The following MME variants were observed in gnomAD, a reference collection of about 807,000 sequenced individuals.
MME encodes membrane metalloendopeptidase.
MME carries 98 observed loss-of-function variants against 113.2 expected under a neutral mutation model. The observed-to-expected ratio is 0.87, with a 90% confidence interval of 0.74 to 1.02. The LOEUF is 1.02. Ranked by LOEUF, MME falls within the 50% of genes least tolerant of loss-of-function variation. The pLI is 0.00. For synonymous variants in MME, 292 were observed against 300.6 expected, an observed-to-expected ratio of 0.97 and a Z score of 0.30; for missense variants, 836 against 896.0, an observed-to-expected ratio of 0.93 and a Z score of 0.86.
rs35653282 is a variant in MME, at chr3:155,140,410, C to CTT, written c.957+141_957+142dup. 0.043 allele frequency: 12,291 copies of CTT among 284,438 alleles called. 378 individuals carry two copies. The highest frequency in any genetic ancestry group is 0.052 in the Non-Finnish European group (8,335 of 159,622). 17.6% of individuals were successfully genotyped at this position (284,438 alleles called of 1,614,324 possible). A position where few individuals can be genotyped will look rare whatever the true frequency, so the allele number is the denominator to read the frequency against. On this transcript the variant is annotated intron_variant, in intron 10 of 22. Transcript: ENST00000360490. ...ATTGAAGTAAATGGGACTTCAATTC[C>CTT]TTTTTTTTTTTTTTTTTTTTTTTTG... is the stretch of plus-strand genomic sequence containing the variant.
At position 155,121,562 on chromosome 3, in the gene MME, A is replaced by G. The variant is rs1280697820; in HGVS notation, c.720+2751A>G. On this transcript the variant is annotated intron_variant, in intron 8 of 22. Transcript: ENST00000360490. ...GATATTGGCTGTGGGTTTGTCATAG[A>G]TAGCTCTTATTATTTTGAAATACGT... 2.7e-5 allele frequency among the ~76,000 whole-genome samples: 3 copies of G among 112,054 alleles called. No individual in the cohort carries two copies. In the Admixed American group the frequency reaches 3.1e-4, roughly 12 times the overall value. 73.5% of individuals were successfully genotyped at this position (112,054 alleles called of 152,430 possible).
chr3:155,159,585 A>G (rs1368550397), intron 16 of MME, among the ~76,000 whole-genome samples: 1 of 151,990 alleles, frequency 6.6e-6, no homozygotes, highest in East Asian at 1.9e-4. Flanking sequence ...TTTGGCTCCT[A>G]TCCTCATCCC....
chr3:155,066,754 C>T (rs1382033493), intron 1 of MME, among the ~76,000 whole-genome samples: 1 of 152,088 alleles, frequency 6.6e-6, no homozygotes, highest in Non-Finnish European at 1.5e-5. Flanking sequence ...AAAATTCTAG[C>T]TTGGTACTCT....
chr3:155,157,561 GTTAAT>G (rs553678581), intron 16 of MME, among the ~76,000 whole-genome samples: 1 of 152,206 alleles, frequency 6.6e-6, no homozygotes, highest in Non-Finnish European at 1.5e-5. Context: ...AGTTGGCCCT[GTTAAT>G]TTAGTTTTTA....
In MME at chr3:155,033,210, C is replaced by G. The variant is rs147323942; in HGVS notation, c.-11+8886C>G. On this transcript the variant is annotated intron_variant, in intron 1 of 22. Coordinates refer to the MME transcript ENST00000492661. ...AGAATTGCAAACATGCTATGTGACT[C>G]AGGCTCCAGGGCTTAACTTCCTCTT... Among the ~76,000 whole-genome samples, 3 of 152,284 alleles carry G rather than the reference C, an allele frequency of 2.0e-5. No homozygotes were observed. The East Asian group carries it at 5.8e-4, about 29-fold the overall frequency.
rs10522735 is a variant in MME at position 155,116,590 on chromosome 3, G to GTATATATATA, written c.439+39_439+48dup. 159,465 of 1,168,262 alleles carry GTATATATATA rather than the reference G, an allele frequency of 0.14. 7,960 individuals carry two copies. Among genetic ancestry groups the GTATATATATA allele is most frequent in the East Asian group, 0.15 (5,347 of 35,174 alleles). The allele number at this position is 1,168,262 out of a possible 1,614,324, so 72.4% of individuals were successfully genotyped here. The stretch of plus-strand genomic sequence containing the variant: ...TGCTCTTCATTTGATTTCATTAGGA[G>GTATATATATA]TATATATATATATATATTGGTGCCA... On this transcript the variant is annotated intron_variant, in intron 5 of 22. Coordinates refer to ENST00000360490, the MANE Select transcript of MME (RefSeq NM_007289.4).
chr3:155,115,396 CT>C (rs1312913627), intron 4 of MME, among the ~76,000 whole-genome samples: 2 of 147,696 alleles, frequency 1.4e-5, no homozygotes, highest in Non-Finnish European at 3.0e-5. Flanking sequence ...GCGGTATCAT[CT>C]CTAGAGATGG....
At chr3:155,087,248 G>GC (rs1559908869) in intron 3 of MME, among the ~76,000 whole-genome samples, 995 of 67,664 alleles carry the variant, frequency 0.015, 9 homozygotes, top group South Asian at 0.037. Flanking sequence ...TGTGCCCTTT[G>GC]GTTTTTTTTT....
chr3:155,131,189 T>C (rs1190384126), intron 8 of MME, among the ~76,000 whole-genome samples: 3 of 152,296 alleles, frequency 2.0e-5, no homozygotes, highest in East Asian at 3.9e-4. Flanking sequence ...TGGTAATTCA[T>C]GTGAAAGATA....
At chr3:155,168,694 T>C in intron 19 of MME, 38 bp from the exon 20 acceptor site, 1 of 1,610,842 alleles carries the variant, frequency 6.2e-7, no homozygotes, top group Non-Finnish European at 8.5e-7. Context: ...TGGTGGTTTC[T>C]TTTTTTAACA....
Position 155,118,739 on chromosome 3 carries a change from T to C in MME, c.655-7T>C, listed in dbSNP as rs1314506206. On this transcript the variant is annotated splice_region_variant and splice_polypyrimidine_tract_variant and intron_variant, in intron 7 of 22. Coordinates refer to ENST00000360490, the MANE Select transcript of MME (RefSeq NM_007289.4). Reference sequence around the variant, plus strand: ...GATTTATTTTCTTTTATGTATATTTTTTATAGATTGACCAACCTCGACTTG... The same window carrying C: ...GATTTATTTTCTTTTATGTATATTTCTTATAGATTGACCAACCTCGACTTG... The C allele has an allele frequency of 6.4e-7, 1 of 1,557,768 alleles. No individual in the cohort carries two copies. The highest frequency in any genetic ancestry group is 2.3e-5 in the East Asian group (1 of 43,938).
At chr3:155,105,042 C>T (rs1050384390) in intron 3 of MME, among the ~76,000 whole-genome samples, 9 of 152,008 alleles carry the variant, frequency 5.9e-5, no homozygotes, top group East Asian at 1.9e-4. Context: ...GTTTCGGTTG[C>T]GAATTCTGGA....
At chr3:155,089,707 T>G in intron 3 of MME, 1 of 300,850 alleles carries the variant, frequency 3.3e-6, no homozygotes, top group Admixed American at 3.7e-5. Context: ...TTGCCTTATA[T>G]GGCAACATGC....
chr3:155,178,818 T>C (rs1330040925), intron 22 of MME, among the ~76,000 whole-genome samples: 3 of 152,204 alleles, frequency 2.0e-5, no homozygotes, highest in Admixed American at 6.5e-5. Context: ...CTGTATTCTT[T>C]AGGGATTAAT....
Position 155,116,894 on chromosome 3 carries a change from A to T in MME, c.562A>T (p.Ile188Phe). ...YGASWTAEKA[I>F]AQLNSKYGKK... ...TGCTTCTTGGACAGCTGAAAAAGCT[A>T]TTGCACAACTGAATTCTAAATATGG... is the stretch of plus-strand genomic sequence containing the variant. Residue 188 changes from isoleucine (I) to phenylalanine (F), a missense_variant, in exon 7 of 23, where the codon ATT becomes TTT. Ile to Phe is a conservative substitution (Grantham distance 21, BLOSUM62 0). Transcript: ENST00000360490. The T allele has an allele frequency of 6.2e-7, 1 of 1,612,040 alleles. No individual in the cohort carries two copies. The highest frequency in any genetic ancestry group is 8.5e-7 in the Non-Finnish European group (1 of 1,178,362).
intron 8 of MME, among the ~76,000 whole-genome samples, chr3:155,129,418 G>A (rs572803720): frequency 1.3e-4 from 19 of 151,978 alleles, no homozygotes; most frequent in African/African-American, 4.3e-4. Flanking sequence ...ACTTCTTATC[G>A]ACTATGAAAA....
At chr3:155,042,910 A>G (rs1319628230) in intron 1 of MME, among the ~76,000 whole-genome samples, 5 of 49,148 alleles carry the variant, frequency 1.0e-4, no homozygotes, top group Non-Finnish European at 1.9e-4. Flanking sequence ...TTATATATAT[A>G]TATATATATA....
At chr3:155,171,558 A>G (rs551826322) in intron 20 of MME, among the ~76,000 whole-genome samples, 1 of 152,202 alleles carries the variant, frequency 6.6e-6, no homozygotes, top group East Asian at 1.9e-4. Context: ...CTTCAAATGT[A>G]CCTGAGGCTC....
At chr3:155,167,189 G>C (rs1200034214) in intron 18 of MME, among the ~76,000 whole-genome samples, 168 bp downstream of exon 18, 1 of 152,174 alleles carries the variant, frequency 6.6e-6, no homozygotes, top group Non-Finnish European at 1.5e-5. Flanking sequence ...AAAGAGATCA[G>C]AAAATTCTCA....
Sources: gnomAD v4.1 joint callset for allele counts (sites outside exome capture counted in the v4.1 genomes callset) on GRCh38, gnomAD v4.1.1 for gene constraint, MANE v1.5 for transcripts, NCBI Gene and HGNC (gene_info 2026-07-23, HGNC 2026-07-21) for gene names.